ZNF577: variants seen among roughly 807,000 people sequenced by gnomAD.
The protein encoded by ZNF577 is zinc finger protein 577.
A neutral mutation model predicts 13.9 loss-of-function variants in ZNF577; 14 were observed. The ratio of observed to expected loss-of-function variants is 1.00; its 90% CI spans 0.66 to 1.57. The LOEUF is 1.57. Ranked by LOEUF, ZNF577 falls within the 40% of genes most tolerant of loss-of-function variation. The pLI, the probability that ZNF577 is intolerant of heterozygous loss-of-function variation, is 0.00. For synonymous variants in ZNF577, 203 were observed against 202.9 expected (o/e 1.00, Z 0.00); for missense variants, 555 against 579.2 (o/e 0.96, Z 0.43).
chr19:51,865,376 C>T (rs1599862820), downstream of ZNF577, among the ~76,000 whole-genome samples: 1 of 145,536 alleles, frequency 6.9e-6, no homozygotes, highest in Non-Finnish European at 1.5e-5. Flanking sequence ...GGATTACACA[C>T]GTGAGCCACC....
rs781773534 is a variant in ZNF577, at chr19:51,872,837, G to C, written c.1153C>G (p.Leu385Val). The C allele has an allele frequency of 6.2e-7, 1 of 1,614,216 alleles. No individual in the cohort carries two copies. Among genetic ancestry groups the C allele is most frequent in the African/African-American group, 1.3e-5 (1 of 75,060 alleles). Residue 385 changes from leucine to valine, a missense_variant, in exon 6 of 6, where the codon CTG becomes GTG. By Grantham distance (32) the Leu-to-Val change is conservative (BLOSUM62 1). Coordinates refer to ENST00000638348, the MANE Select transcript of ZNF577 (RefSeq NM_001370449.1). ...THIRETAINS[L>V]TVEKPSSRSH... ...CTTGAGGAAGGTTTCTCCACCGTCA[G>C]TGAATTTATGGCTGTCTCTCTTATG...
intron 10 of ZNF577, among the ~76,000 whole-genome samples, chr19:51,809,864 C>T (rs754967007): frequency 2.5e-4 from 38 of 152,020 alleles, no homozygotes; most frequent in Admixed American, 6.6e-4. Context: ...ATGCCTGGAA[C>T]GGGGTTGAGG....
At chr19:51,826,091 ATAT>A (rs1311251921) in intron 9 of ZNF577, 3 of 157,072 alleles carry the variant, frequency 1.9e-5, no homozygotes, top group African/African-American at 7.2e-5. Context: ...TAACGTGATC[ATAT>A]TATTTTTATT....
intron 5 of ZNF577, among the ~76,000 whole-genome samples, chr19:51,874,359 T>G (rs2084721012): frequency 6.6e-6 from 1 of 151,832 alleles, no homozygotes; most frequent in Non-Finnish European, 1.5e-5. Context: ...TGAAGAACAG[T>G]ACAAAGGAAG....
chr19:51,828,930 C>A (rs775577477), intron 9 of ZNF577, among the ~76,000 whole-genome samples: 46 of 152,138 alleles, frequency 3.0e-4, no homozygotes, highest in South Asian at 8.3e-4. Context: ...GGATGTTTCG[C>A]TATGAACAGT....
chr19:51,868,190 G>A lies in ZNF577; in HGVS notation c.*4342C>T, dbSNP rs1392428389. ...ATAGAAGTTCTTTTTAAAAGTTGCT[G>A]ACTTAGTCCTCAAAGCACTGCATTG... On this transcript the variant is annotated 3_prime_UTR_variant, in exon 6 of 6. Transcript: ENST00000638348. 6.6e-6 allele frequency among the ~76,000 whole-genome samples: 1 copy of A among 152,154 alleles called. No individual in the cohort carries two copies. Among genetic ancestry groups the A allele is most frequent in the Non-Finnish European group, 1.5e-5 (1 of 68,012 alleles).
chr19:51,851,145 T>A (rs1217768422), intron 5 of ZNF577, among the ~76,000 whole-genome samples: 1 of 152,174 alleles, frequency 6.6e-6, no homozygotes. Flanking sequence ...GAAATGAGGA[T>A]AAATATTTGA....
intron 10 of ZNF577, among the ~76,000 whole-genome samples, chr19:51,808,390 G>T (rs547622020): frequency 6.6e-6 from 1 of 152,288 alleles, no homozygotes; most frequent in South Asian, 2.1e-4. Flanking sequence ...GTCAAAGCCT[G>T]CTTTGTTTCT....
At chr19:51,866,994 A>G (rs937941791), downstream of ZNF577, among the ~76,000 whole-genome samples, 16 of 132,000 alleles carry the variant, frequency 1.2e-4, no homozygotes, top group African/African-American at 3.1e-4. Context: ...GAGAGAGAGA[A>G]AAGGAAGAAG....
Position 51,824,718 on chromosome 19 carries a change from G to GCCCTGACTGAGGT in ZNF577, c.*600-13057_*600-13045dup. 6.2e-7 allele frequency: 1 copy of GCCCTGACTGAGGT among 1,613,998 alleles called. No homozygotes were observed. Among genetic ancestry groups the GCCCTGACTGAGGT allele is most frequent in the Non-Finnish European group, 8.5e-7 (1 of 1,179,994 alleles). ...CTCTTTGCCCACTAGTTTGGAGAGGGCCCTGACTGAGGTCCCTGACTCAGC... is the reference window on the plus strand; with the variant it reads ...CTCTTTGCCCACTAGTTTGGAGAGGGCCCTGACTGAGGTCCCTGACTGAGGTCCCTGACTCAGC... On this transcript the variant is annotated intron_variant and NMD_transcript_variant, in intron 9 of 10. Coordinates refer to the ZNF577 transcript ENST00000638827. This position sits in a 1 kb window ranked among gnomAD's most constrained non-coding sequence, Gnocchi z 4.7.
At chr19:51,835,711 T>C (rs1449589406) in intron 9 of ZNF577, among the ~76,000 whole-genome samples, 1 of 152,216 alleles carries the variant, frequency 6.6e-6, no homozygotes, top group Non-Finnish European at 1.5e-5. Context: ...ATCTTTTTTT[T>C]TGAGACAGTC....
At chr19:51,885,549 T>C (rs2084931882) in intron 1 of ZNF577, among the ~76,000 whole-genome samples, 1 of 152,202 alleles carries the variant, frequency 6.6e-6, no homozygotes, top group Admixed American at 6.5e-5. Flanking sequence ...TTCATTCTTG[T>C]TGCCTAGGCT....
At chr19:51,804,521 T>C (rs2084045096), downstream of ZNF577, among the ~76,000 whole-genome samples, 1 of 152,210 alleles carries the variant, frequency 6.6e-6, no homozygotes, top group African/African-American at 2.4e-5. Flanking sequence ...AAAATTCATA[T>C]ATTAATTTTT....
At chr19:51,857,038 T>G (rs142468319) in intron 5 of ZNF577, among the ~76,000 whole-genome samples, 1 of 152,124 alleles carries the variant, frequency 6.6e-6, no homozygotes, top group Non-Finnish European at 1.5e-5. Flanking sequence ...AAATGTGTAT[T>G]TTGTGTAATC....
At chr19:51,807,185 G>A (rs929004023) in intron 10 of ZNF577, among the ~76,000 whole-genome samples, 4 of 150,384 alleles carry the variant, frequency 2.7e-5, no homozygotes, top group Non-Finnish European at 1.5e-5. Context: ...ACAGCCCTCC[G>A]TATTTATCAG....
intron 6 of ZNF577, among the ~76,000 whole-genome samples, chr19:51,843,945 A>T (rs2084335192): frequency 6.6e-6 from 1 of 152,202 alleles, no homozygotes; most frequent in African/African-American, 2.4e-5. Context: ...CAAATAGTTC[A>T]TTAAGACAGG....
intron 5 of ZNF577, chr19:51,860,554 T>G (rs2084486266): frequency 6.5e-6 from 1 of 153,216 alleles, no homozygotes. Flanking sequence ...AATTCTTTCC[T>G]GCTATGCAAT....
chr19:51,815,647 C>T (rs2084130063), intron 9 of ZNF577, among the ~76,000 whole-genome samples: 1 of 151,604 alleles, frequency 6.6e-6, no homozygotes, highest in African/African-American at 2.4e-5. Context: ...GTGGGCAGAT[C>T]GCTTTAAGCC....
At position 51,877,280 on chromosome 19, in the gene ZNF577, A is replaced by G; in HGVS notation, c.283+2T>C. On this transcript the variant is annotated splice_donor_variant, in intron 5 of 5. Coordinates refer to ENST00000638348, the MANE Select transcript of ZNF577 (RefSeq NM_001370449.1). LOFTEE classifies it high-confidence loss of function. ...CCATTTTCTTAGTTTTCACTCACTT[A>G]CCTGGACAGATTTGACTGTGGGCTG... 1 of 1,613,520 alleles carries G rather than the reference A, an allele frequency of 6.2e-7. No homozygotes were observed. Among genetic ancestry groups the G allele is most frequent in the Non-Finnish European group, 8.5e-7 (1 of 1,179,630 alleles).
Sources: gnomAD v4.1 joint callset for allele counts (sites outside exome capture counted in the v4.1 genomes callset) on GRCh38, gnomAD v4.1.1 for gene constraint, Gnocchi (gnomAD v3.1) non-coding constraint, MANE v1.5 for transcripts, NCBI Gene and HGNC (gene_info 2026-07-23, HGNC 2026-07-21) for gene names.